The following USH2A variants were observed in gnomAD, a reference collection of about 807,000 sequenced individuals.
USH2A encodes the protein usherin.
A neutral mutation model predicts 538.9 loss-of-function variants in USH2A; 443 were observed. That is an observed-to-expected ratio of 0.82 (90% CI 0.76 to 0.89). The LOEUF is 0.89. Ranked by LOEUF, USH2A falls within the 40% of genes least tolerant of loss-of-function variation. The pLI is 0.00. For missense variants in USH2A, 6,633 were observed against 6,324.8 expected (o/e 1.05, Z -1.65); for synonymous variants, 2,413 against 2,273.5 (o/e 1.06, Z -1.75).
At chr1:216,062,186 A>T (rs2031209200) in intron 30 of USH2A, among the ~76,000 whole-genome samples, 1 of 152,192 alleles carries the variant, frequency 6.6e-6, no homozygotes, top group East Asian at 1.9e-4. Context: ...AATTCAAGAA[A>T]CTTGTAAAAT....
chr1:215,934,739 T>C lies in USH2A; in HGVS notation c.7177A>G (p.Thr2393Ala). 2 of 1,612,932 alleles carry C rather than the reference T, an allele frequency of 1.2e-6. No individual in the cohort carries two copies. The highest frequency in any genetic ancestry group is 1.7e-4 in the Middle Eastern group (1 of 6,054). ...VTKVMYSGEETNLWVLIDGLV... is the reference protein window; with the variant it reads ...VTKVMYSGEEANLWVLIDGLV... ...CCATCGATGAGCACCCAAAGGTTTG[T>C]CTCTTCTCCGCTGTACATGACTTTT... is the stretch of plus-strand genomic sequence containing the variant. Residue 2393 changes from threonine to alanine, a missense_variant, in exon 38 of 72, where the codon ACA becomes GCA. By Grantham distance (58) the Thr-to-Ala change is moderately conservative (BLOSUM62 0). Transcript: ENST00000307340.
chr1:216,355,372 AAAG>A (rs922103087), intron 4 of USH2A, among the ~76,000 whole-genome samples: 1 of 150,734 alleles, frequency 6.6e-6, no homozygotes, highest in African/African-American at 2.4e-5. Context: ...AGAAAGAAAG[AAAG>A]AAGGAAAGAA....
intron 48 of USH2A, among the ~76,000 whole-genome samples, chr1:215,814,182 TTA>T (rs1042062516): frequency 8.9e-5 from 13 of 145,748 alleles, no homozygotes; most frequent in African/African-American, 3.2e-4. Flanking sequence ...AATTTTAATT[TTA>T]TATCTTTTAT....
intron 30 of USH2A, among the ~76,000 whole-genome samples, chr1:216,048,960 C>G (rs2030641889): frequency 6.6e-6 from 1 of 152,120 alleles, no homozygotes; most frequent in African/African-American, 2.4e-5. Flanking sequence ...CACAATGTTT[C>G]CAATAGCTAA....
Position 216,246,576 on chromosome 1 carries a change from C to T in USH2A, c.2809+9G>A, listed in dbSNP as rs753646775. Reference sequence around the variant, plus strand: ...TGTGCACTGAAAATGTAATACATTTCTTTCTTACCTGGTTGACACTGATTA... The same window carrying T: ...TGTGCACTGAAAATGTAATACATTTTTTTCTTACCTGGTTGACACTGATTA... On this transcript the variant is annotated intron_variant, in intron 13 of 71. Coordinates refer to ENST00000307340, the MANE Select transcript of USH2A (RefSeq NM_206933.4). The T allele has an allele frequency of 2.5e-6, 4 of 1,613,982 alleles. No individual in the cohort carries two copies. The Admixed American group carries it at 5.0e-5, about 20-fold the overall frequency.
chr1:215,713,733 T>C (rs1659404708), intron 61 of USH2A, among the ~76,000 whole-genome samples: 1 of 152,264 alleles, frequency 6.6e-6, no homozygotes, highest in South Asian at 2.1e-4. Context: ...ATATTTATAC[T>C]AGGCAATGAA....
intron 16 of USH2A, among the ~76,000 whole-genome samples, chr1:216,205,100 C>A (rs1467668345): frequency 1.3e-5 from 2 of 152,078 alleles, no homozygotes; most frequent in African/African-American, 4.8e-5. Flanking sequence ...GAAATCATGC[C>A]TCTGGCTTGA....
At chr1:216,032,472 G>T (rs1669149980) in intron 32 of USH2A, among the ~76,000 whole-genome samples, 1 of 152,042 alleles carries the variant, frequency 6.6e-6, no homozygotes, top group Non-Finnish European at 1.5e-5. Context: ...CTGAACCTGT[G>T]GTAGGAAGAA....
chr1:215,638,914 G>T (rs1327967356), intron 69 of USH2A, among the ~76,000 whole-genome samples: 1 of 150,458 alleles, frequency 6.6e-6, no homozygotes, highest in African/African-American at 2.4e-5. Flanking sequence ...GGAGGTGGAG[G>T]TTTCAGTGAG....
At chr1:216,398,224 C>G (rs939142611) in intron 3 of USH2A, among the ~76,000 whole-genome samples, 1 of 152,090 alleles carries the variant, frequency 6.6e-6, no homozygotes, top group Non-Finnish European at 1.5e-5. Flanking sequence ...AGTTCTCTTT[C>G]TATAATTAAA....
At chr1:216,368,952 T>G (rs2038650715) in intron 3 of USH2A, among the ~76,000 whole-genome samples, 1 of 152,168 alleles carries the variant, frequency 6.6e-6, no homozygotes, top group South Asian at 2.1e-4. Context: ...TCTAATAGAT[T>G]AACATTAAGC....
At chr1:216,093,510 A>G (rs972445857) in intron 22 of USH2A, among the ~76,000 whole-genome samples, 1 of 152,152 alleles carries the variant, frequency 6.6e-6, no homozygotes, top group African/African-American at 2.4e-5. Flanking sequence ...AAGGATATGA[A>G]AACAACTAGA....
intron 44 of USH2A, among the ~76,000 whole-genome samples, chr1:215,866,201 C>A (rs1571761558): frequency 6.6e-6 from 1 of 152,232 alleles, no homozygotes; most frequent in East Asian, 1.9e-4. Context: ...AATACATATT[C>A]TCATGGTAGA....
intron 47 of USH2A, among the ~76,000 whole-genome samples, chr1:215,833,137 A>G (rs1160755630): frequency 6.6e-6 from 1 of 151,960 alleles, no homozygotes; most frequent in Non-Finnish European, 1.5e-5. Flanking sequence ...TTCTCTACCA[A>G]TTGATCCACA....
chr1:215,772,914 A>G (rs1035721722), intron 55 of USH2A, among the ~76,000 whole-genome samples: 1 of 152,212 alleles, frequency 6.6e-6, no homozygotes, highest in Non-Finnish European at 1.5e-5. Context: ...TTTGGTGCTT[A>G]TAAAGTATTG....
At chr1:215,980,233 CT>C (rs1247591214) in intron 35 of USH2A, among the ~76,000 whole-genome samples, 1 of 152,026 alleles carries the variant, frequency 6.6e-6, no homozygotes, top group Non-Finnish European at 1.5e-5. Flanking sequence ...AGGAAAAACT[CT>C]TGATAGTGGA....
intron 31 of USH2A, among the ~76,000 whole-genome samples, chr1:216,047,973 G>A (rs1010685188): frequency 2.0e-5 from 3 of 152,088 alleles, no homozygotes; most frequent in Non-Finnish European, 4.4e-5. Context: ...CTTAATTTAT[G>A]CCAACAGTTT....
intron 21 of USH2A, among the ~76,000 whole-genome samples, chr1:216,102,595 C>A (rs911241460): frequency 6.6e-6 from 1 of 151,840 alleles, no homozygotes. Flanking sequence ...GTCAGGAGAC[C>A]GAGACCATCC....
chr1:216,072,238 G>C (rs368455220), intron 29 of USH2A, among the ~76,000 whole-genome samples: 1 of 152,210 alleles, frequency 6.6e-6, no homozygotes, highest in African/African-American at 2.4e-5. Flanking sequence ...ATGCCTTCCT[G>C]TGGTGGTATT....
Sources: gnomAD v4.1 joint callset for allele counts (sites outside exome capture counted in the v4.1 genomes callset) on GRCh38, gnomAD v4.1.1 for gene constraint, MANE v1.5 for transcripts, NCBI Gene and HGNC (gene_info 2026-07-23, HGNC 2026-07-21) for gene names.